The following CRACD variants were observed in gnomAD, a reference collection of about 807,000 sequenced individuals.
The protein encoded by CRACD is capping protein-inhibiting regulator of actin dynamics.
A neutral mutation model predicts 106.8 loss-of-function variants in CRACD; 56 were observed. That is an observed-to-expected ratio of 0.52 (90% confidence interval 0.42 to 0.66). CRACD has a LOEUF of 0.66. Ranked by LOEUF, CRACD falls within the 30% of genes least tolerant of loss-of-function variation. CRACD has a pLI of 0.00. For synonymous variants in CRACD, 754 were observed against 670.8 expected, an observed-to-expected ratio of 1.12 and a Z score of -1.92; for missense variants, 1,730 against 1,623.2, an observed-to-expected ratio of 1.07 and a Z score of -1.13.
chr4:56,276,630 T>C (rs1405982197), intron 3 of CRACD, among the ~76,000 whole-genome samples: 1 of 152,198 alleles, frequency 6.6e-6, no homozygotes, highest in African/African-American at 2.4e-5. Context: ...ATATAGCTTA[T>C]AAATCCCTGA....
At chr4:56,121,449 G>A (rs1236826612) in intron 1 of CRACD, among the ~76,000 whole-genome samples, 2 of 152,142 alleles carry the variant, frequency 1.3e-5, no homozygotes, top group South Asian at 4.1e-4. Flanking sequence ...TTTGAGACCA[G>A]CCTGGCCAAC....
At chr4:56,300,419 C>T (rs1006378236) in intron 4 of CRACD, among the ~76,000 whole-genome samples, 1 of 152,232 alleles carries the variant, frequency 6.6e-6, no homozygotes, top group African/African-American at 2.4e-5. Flanking sequence ...AACTGGCTTC[C>T]ATTCTTGGTT....
intron 3 of CRACD, among the ~76,000 whole-genome samples, chr4:56,292,219 A>G (rs924333583): frequency 6.6e-6 from 1 of 152,174 alleles, no homozygotes; most frequent in African/African-American, 2.4e-5. Flanking sequence ...GACTTAGGGT[A>G]TCTGTTGAAA....
chr4:56,112,540 T>G (rs1428214038), intron 1 of CRACD, among the ~76,000 whole-genome samples: 4 of 152,178 alleles, frequency 2.6e-5, no homozygotes, highest in African/African-American at 9.7e-5. Context: ...GGGGGACCTC[T>G]TCCAGACCCC....
rs925941005 is a variant in CRACD, at chr4:56,314,616, C to G, written c.1114C>G (p.Leu372Val). 7.8e-6 allele frequency: 12 copies of G among 1,534,376 alleles called. No homozygotes were observed. In the Admixed American group the frequency reaches 1.8e-4, roughly 23 times the overall value. ...GGAGGAGGCTGAGGGATGGGAAGAG[C>G]TGGAACAGCAGGAGGCGGAGGTGCA... Reference protein sequence around the residue: ...EEEEAEGWEELEQQEAEVQGP... With the variant: ...EEEEAEGWEEVEQQEAEVQGP... Residue 372 changes from leucine to valine, a missense_variant, in exon 8 of 11, where the codon CTG becomes GTG. Around this residue, in one of 5 missense-constraint regions of CRACD, gnomAD observed 1,620 missense variants for 1,481.6 expected, o/e 1.09. Coordinates refer to ENST00000682029, the MANE Select transcript of CRACD (RefSeq NM_001393381.1). This position sits in a 1 kb window ranked among gnomAD's most constrained non-coding sequence, Gnocchi z 4.4.
chr4:56,087,892 C>A (rs138904414), intron 1 of CRACD, among the ~76,000 whole-genome samples: 2 of 152,260 alleles, frequency 1.3e-5, no homozygotes, highest in East Asian at 3.9e-4. Flanking sequence ...CTTCCTTCAC[C>A]TGTCTGCTAC....
At chr4:56,193,771 G>C (rs1001110537) in intron 2 of CRACD, among the ~76,000 whole-genome samples, 3 of 151,874 alleles carry the variant, frequency 2.0e-5, no homozygotes, top group Non-Finnish European at 4.4e-5. Flanking sequence ...ATGCTTATAG[G>C]CTATTATGTT....
intron 1 of CRACD, among the ~76,000 whole-genome samples, chr4:56,134,620 A>G (rs1734938114): frequency 6.6e-6 from 1 of 152,226 alleles, no homozygotes; most frequent in African/African-American, 2.4e-5. Context: ...GGACAGGAGG[A>G]GATATGAGTA....
intron 1 of CRACD, among the ~76,000 whole-genome samples, chr4:56,082,285 C>T (rs144631976): frequency 4.1e-4 from 62 of 152,254 alleles, no homozygotes; most frequent in Non-Finnish European, 5.4e-4. Flanking sequence ...AGGAGCTTGA[C>T]ATGTTTGTGG....
rs1321751816 is a variant in CRACD, at chr4:56,049,306, G to T, written c.-336+7G>T. 1.3e-5 allele frequency: 2 copies of T among 151,630 alleles called. No individual in the cohort carries two copies. Among genetic ancestry groups the T allele is most frequent in the Non-Finnish European group, 2.9e-5 (2 of 67,900 alleles). The allele number at this position is 151,630 out of a possible 1,614,324, so 9.4% of individuals were successfully genotyped here. A position where few individuals can be genotyped will look rare whatever the true frequency, so the allele number is the denominator to read the frequency against. On this transcript the variant is annotated splice_region_variant and intron_variant, in intron 1 of 10. Coordinates refer to ENST00000682029, the MANE Select transcript of CRACD (RefSeq NM_001393381.1). ...CGCCAGGCGGGGACCTCAGGTGAGC[G>T]CCTGCTCGGCCCGCGGCCGGAGCCA...
intron 1 of CRACD, among the ~76,000 whole-genome samples, chr4:56,078,380 A>C (rs1158047869): frequency 2.6e-5 from 4 of 152,138 alleles, no homozygotes; most frequent in Non-Finnish European, 5.9e-5. Context: ...TTAAGGAAAA[A>C]GTACAGAACA....
At chr4:56,106,352 G>A (rs1421585357) in intron 1 of CRACD, among the ~76,000 whole-genome samples, 1 of 152,228 alleles carries the variant, frequency 6.6e-6, no homozygotes, top group Non-Finnish European at 1.5e-5. Flanking sequence ...AGGAGACACA[G>A]AGTTCAAGTC....
intron 1 of CRACD, among the ~76,000 whole-genome samples, chr4:56,150,861 A>G (rs1481036509): frequency 2.0e-5 from 3 of 152,150 alleles, no homozygotes; most frequent in Non-Finnish European, 4.4e-5. Context: ...TATTCAAGAG[A>G]TTCTCCAGGA....
intron 1 of CRACD, among the ~76,000 whole-genome samples, chr4:56,095,363 C>T (rs569665594): frequency 6.6e-6 from 1 of 152,224 alleles, no homozygotes; most frequent in East Asian, 1.9e-4. Context: ...TTTATCAGTA[C>T]TATTGTTATC....
At chr4:56,077,751 G>C (rs891516106) in intron 1 of CRACD, among the ~76,000 whole-genome samples, 6 of 152,206 alleles carry the variant, frequency 3.9e-5, no homozygotes, top group African/African-American at 1.4e-4. Context: ...GGTGAAGAAA[G>C]AAAGGTTTTT....
intron 1 of CRACD, among the ~76,000 whole-genome samples, chr4:56,094,882 C>G (rs369946124): frequency 6.6e-6 from 1 of 152,064 alleles, no homozygotes. Flanking sequence ...ACATTGTCAT[C>G]CATACACTTA....
intron 8 of CRACD, 81 bp downstream of exon 8, chr4:56,316,770 C>T: frequency 6.9e-7 from 1 of 1,448,636 alleles, no homozygotes; most frequent in Non-Finnish European, 9.3e-7. Context: ...CACGCAGGTT[C>T]ATGAGAATAA....
chr4:56,108,855 C>T (rs1312570188), intron 1 of CRACD, among the ~76,000 whole-genome samples: 2 of 152,166 alleles, frequency 1.3e-5, no homozygotes, highest in Non-Finnish European at 2.9e-5. Context: ...CTATCTACTA[C>T]GAACTTCAAA....
chr4:56,153,622 C>T (rs1036534638), intron 1 of CRACD, among the ~76,000 whole-genome samples: 10 of 152,156 alleles, frequency 6.6e-5, no homozygotes, highest in Admixed American at 1.3e-4. Context: ...GAGCATGTCA[C>T]GTCCTTGCTT....
Sources: allele counts gnomAD v4.1 joint callset (sites outside exome capture counted in the v4.1 genomes callset), GRCh38; gene constraint gnomAD v4.1.1; regional missense constraint gnomAD v4.1.1; non-coding constraint Gnocchi (gnomAD v3.1); transcripts MANE v1.5; gene names NCBI Gene and HGNC (gene_info 2026-07-23, HGNC 2026-07-21).